Variants in CA8 observed in about 807,000 individuals in gnomAD.
CA8 encodes the protein carbonic anhydrase-related protein.
Under a neutral mutation model 41.4 loss-of-function variants are expected in CA8, and 22 were observed. The ratio of observed to expected loss-of-function variants is 0.53; its 90% confidence interval spans 0.38 to 0.76. The LOEUF is 0.76. CA8 is among the 30% of genes least tolerant of loss of function. The pLI, the probability that CA8 is intolerant of heterozygous loss-of-function variation, is 0.00. For synonymous variants in CA8, 121 were observed against 130.6 expected, an observed-to-expected ratio of 0.93 and a Z score of 0.50; for missense variants, 270 against 352.8, an observed-to-expected ratio of 0.77 and a Z score of 1.88.
rs572465028 is a variant in CA8 at position 60,199,291 on chromosome 8, C to T, written c.*36-9306G>A. Among the ~76,000 whole-genome samples the T allele has an allele frequency of 3.9e-5, 6 of 152,112 alleles. No homozygotes were observed. In the East Asian group the frequency reaches 1.2e-3, roughly 29 times the overall value. On this transcript the variant is annotated intron_variant, in intron 8 of 8. Transcript: ENST00000317995. ...ATCAGACAACAAAGGTTTATTGCTT[C>T]GGTTTTTTTCTATGTATGCGGAGTA...
chr8:60,199,785 T>G (rs1280207533), intron 8 of CA8, among the ~76,000 whole-genome samples: 1 of 152,230 alleles, frequency 6.6e-6, no homozygotes. Context: ...AAGTTTTAAC[T>G]GCAATGTTTA....
At chr8:60,198,377 G>C (rs1211328502) in intron 8 of CA8, among the ~76,000 whole-genome samples, 1 of 151,818 alleles carries the variant, frequency 6.6e-6, no homozygotes, top group Admixed American at 6.6e-5. Flanking sequence ...GTGTAACTTA[G>C]AATGAATAAA....
chr8:60,219,539 A>G (rs1317401085), intron 7 of CA8, among the ~76,000 whole-genome samples: 4 of 152,118 alleles, frequency 2.6e-5, no homozygotes, highest in African/African-American at 7.2e-5. Flanking sequence ...TGTGTTTCCA[A>G]CTGTCTGAGA....
At position 60,187,090 on chromosome 8, in the gene CA8, G is replaced by A. The variant is rs1805986229; in HGVS notation, c.*2931C>T. Among the ~76,000 whole-genome samples the A allele has an allele frequency of 6.6e-6, 1 of 151,852 alleles. No individual in the cohort carries two copies. Among genetic ancestry groups the A allele is most frequent in the South Asian group, 2.1e-4 (1 of 4,818 alleles). On this transcript the variant is annotated 3_prime_UTR_variant, in exon 9 of 9. Transcript: ENST00000317995. ...GATAAACCATATGCTAAGCCAGAAA[G>A]CAAACCTCGATAAATTTAAGACTGA...
At chr8:60,232,827 G>A (rs75617984) in intron 3 of CA8, among the ~76,000 whole-genome samples, 1 of 152,082 alleles carries the variant, frequency 6.6e-6, no homozygotes, top group East Asian at 1.9e-4. Context: ...TCCAGTTCCA[G>A]TAAATTATTT....
rs953197790 is a variant in CA8 at position 60,187,673 on chromosome 8, A to G, written c.*2348T>C. On this transcript the variant is annotated 3_prime_UTR_variant, in exon 9 of 9. Coordinates refer to ENST00000317995, the MANE Select transcript of CA8 (RefSeq NM_004056.6). ...TGACAACAGTATTACTTTACACACC[A>G]TCAGGTACGTTAGTTACCATGAATC... The G allele has an allele frequency of 2.6e-5, 4 of 152,182 alleles. No individual in the cohort carries two copies. Among genetic ancestry groups the G allele is most frequent in the Non-Finnish European group, 5.9e-5 (4 of 68,022 alleles). The allele number at this position is 152,182 out of a possible 1,614,324, so 9.4% of individuals were successfully genotyped here.
At chr8:60,229,788 C>G (rs901938724) in intron 4 of CA8, among the ~76,000 whole-genome samples, 1 of 152,186 alleles carries the variant, frequency 6.6e-6, no homozygotes, top group South Asian at 2.1e-4. Flanking sequence ...CTTGTGGCCT[C>G]TCCTTCCCCC....
At chr8:60,252,782 A>G (rs1319863720) in intron 3 of CA8, among the ~76,000 whole-genome samples, 1 of 152,196 alleles carries the variant, frequency 6.6e-6, no homozygotes, top group Non-Finnish European at 1.5e-5. Flanking sequence ...AGATTTTCAC[A>G]TTTGGGATGC....
intron 1 of CA8, among the ~76,000 whole-genome samples, chr8:60,280,425 T>C (rs1804373180): frequency 6.6e-6 from 1 of 152,200 alleles, no homozygotes; most frequent in East Asian, 1.9e-4. Context: ...TCTATATTGG[T>C]TTCAACATAT....
rs1554573722 is a variant in CA8, at chr8:60,190,957, T to TATATATATATACACAC, written c.*36-973_*36-972insGTGTGTATATATATAT. Among the ~76,000 whole-genome samples the TATATATATATACACAC allele has an allele frequency of 2.7e-4, 28 of 104,236 alleles. 2 individuals carry two copies. Among genetic ancestry groups the TATATATATATACACAC allele is most frequent in the South Asian group, 1.2e-3 (4 of 3,244 alleles). 68.4% of individuals were successfully genotyped at this position (104,236 alleles called of 152,430 possible). ...CACACACTATATATATATATATATATACACACACACATTTCTACATATGCA... is the reference window on the plus strand; with the variant it reads ...CACACACTATATATATATATATATATATATATATATACACACACACACACACATTTCTACATATGCA... On this transcript the variant is annotated intron_variant, in intron 8 of 8. Coordinates refer to ENST00000317995, the MANE Select transcript of CA8 (RefSeq NM_004056.6).
chr8:60,189,352 A>C lies in CA8; in HGVS notation c.*669T>G, dbSNP rs192740862. The C allele has an allele frequency of 6.6e-6, 1 of 152,236 alleles. No homozygotes were observed. Among genetic ancestry groups the C allele is most frequent in the East Asian group, 1.9e-4 (1 of 5,186 alleles). The allele number at this position is 152,236 out of a possible 1,614,324, so 9.4% of individuals were successfully genotyped here. On this transcript the variant is annotated 3_prime_UTR_variant, in exon 9 of 9. Coordinates refer to ENST00000317995, the MANE Select transcript of CA8 (RefSeq NM_004056.6). ...CAGCTTCGAATATGTCAAATAAATA[A>C]ATTTGATCCATACATTCAGTTAAAT...
At chr8:60,237,377 G>A (rs1341290750) in intron 3 of CA8, among the ~76,000 whole-genome samples, 1 of 152,194 alleles carries the variant, frequency 6.6e-6, no homozygotes, top group Non-Finnish European at 1.5e-5. Context: ...GCAGGATGAT[G>A]GATTCTGACA....
At chr8:60,219,315 C>T (rs1255491323) in intron 7 of CA8, among the ~76,000 whole-genome samples, 1 of 152,072 alleles carries the variant, frequency 6.6e-6, no homozygotes, top group Non-Finnish European at 1.5e-5. Flanking sequence ...CCTGCCACCA[C>T]ACCCGGCTAA....
intron 8 of CA8, among the ~76,000 whole-genome samples, chr8:60,190,487 CTTGT>C (rs1806088885): frequency 2.4e-5 from 3 of 123,910 alleles, no homozygotes; most frequent in South Asian, 2.6e-4. Flanking sequence ...GACAATAGTA[CTTGT>C]TTGAGATAAC....
intron 7 of CA8, among the ~76,000 whole-genome samples, chr8:60,211,918 G>A (rs1806849970): frequency 6.6e-6 from 1 of 152,166 alleles, no homozygotes; most frequent in Non-Finnish European, 1.5e-5. Context: ...AATATTTCAG[G>A]ATAGAAATCT....
At position 60,186,351 on chromosome 8, in the gene CA8, T is replaced by C. The variant is rs1020044429; in HGVS notation, c.*3670A>G. On this transcript the variant is annotated 3_prime_UTR_variant, in exon 9 of 9. Transcript: ENST00000317995. Reference sequence around the variant, plus strand: ...TAAATCTGAAATAGATTCTGATAAATTAACAAGTATATGATATGCCCTTTA... The same window carrying C: ...TAAATCTGAAATAGATTCTGATAAACTAACAAGTATATGATATGCCCTTTA... 6.6e-6 allele frequency among the ~76,000 whole-genome samples: 1 copy of C among 151,570 alleles called. No individual in the cohort carries two copies. The highest frequency in any genetic ancestry group is 1.5e-5 in the Non-Finnish European group (1 of 67,822).
chr8:60,222,608 C>G (rs2130466994), intron 7 of CA8, 41 bp downstream of exon 7: 5 of 1,245,982 alleles, frequency 4.0e-6, no homozygotes, highest in Non-Finnish European at 5.9e-6. Flanking sequence ...CAATGTTTAA[C>G]TCAGAACTTC....
intron 8 of CA8, among the ~76,000 whole-genome samples, chr8:60,195,470 T>C (rs963373538): frequency 2.6e-5 from 4 of 152,216 alleles, no homozygotes; most frequent in South Asian, 2.1e-4. Context: ...GCTCAGCTCA[T>C]TGATAACTAA....
At chr8:60,277,123 G>A (rs375592966) in intron 2 of CA8, among the ~76,000 whole-genome samples, 432 of 138,866 alleles carry the variant, frequency 3.1e-3, no homozygotes, top group Middle Eastern at 7.5e-3. Context: ...TGTCTCAAAA[G>A]AAAAAAAAAA....
Sources: gnomAD v4.1 joint callset for allele counts (sites outside exome capture counted in the v4.1 genomes callset) on GRCh38, gnomAD v4.1.1 for gene constraint, MANE v1.5 for transcripts, NCBI Gene and HGNC (gene_info 2026-07-23, HGNC 2026-07-21) for gene names.